COA1: variants seen among roughly 807,000 people sequenced by gnomAD.
COA1 encodes the protein cytochrome c oxidase assembly factor 1, also known as cytochrome c oxidase assembly factor 1 homolog.
COA1 carries 13 observed loss-of-function variants against 16.0 expected under a neutral mutation model. The ratio of observed to expected loss-of-function variants is 0.81; its 90% CI spans 0.53 to 1.29. The LOEUF is 1.29. Ranked by LOEUF, COA1 falls within the 50% of genes most tolerant of loss-of-function variation. COA1 has a pLI of 0.00. For missense variants in COA1, 179 were observed against 177.0 expected, an observed-to-expected ratio of 1.01 and a Z score of -0.06; for synonymous variants, 65 against 65.7, an observed-to-expected ratio of 0.99 and a Z score of 0.05.
At chr7:43,639,779 T>A (rs1223437636) in intron 5 of COA1, 98 bp from the exon 6 acceptor site, 3 of 853,164 alleles carry the variant, frequency 3.5e-6, no homozygotes, top group Admixed American at 2.4e-5. Flanking sequence ...TTTTGAATAA[T>A]GCCTTAAATT....
chr7:43,636,269 G>A (rs1269601789), downstream of COA1, among the ~76,000 whole-genome samples: 1 of 152,168 alleles, frequency 6.6e-6, no homozygotes, highest in Non-Finnish European at 1.5e-5. Context: ...GCATTACTAA[G>A]GAGGTGAGAA....
chr7:43,650,832 CAGA>C (rs1000029352), intron 1 of COA1: 29 of 138,348 alleles, frequency 2.1e-4, no homozygotes, highest in African/African-American at 6.7e-4. Context: ...AAAAAAAAAA[CAGA>C]AGAATTATTT....
chr7:43,608,499 T>C, exon 7 of COA1: 1 of 1,398,164 alleles, frequency 7.2e-7, no homozygotes, highest in South Asian at 1.4e-5. Context: ...CGTTTGTGTA[T>C]TATTAGGTAA....
intron 1 of COA1, among the ~76,000 whole-genome samples, chr7:43,675,198 T>C (rs541828621): frequency 2.6e-4 from 39 of 152,214 alleles, no homozygotes; most frequent in Middle Eastern, 3.4e-3. Flanking sequence ...CCAACAACGA[T>C]AGACTGGATT....
At chr7:43,699,588 G>A (rs564610124) in intron 1 of COA1, among the ~76,000 whole-genome samples, 30 of 152,128 alleles carry the variant, frequency 2.0e-4, no homozygotes, top group Non-Finnish European at 3.2e-4. Context: ...GCAGACATGA[G>A]AAGCAAATGT....
intron 1 of COA1, among the ~76,000 whole-genome samples, chr7:43,650,982 G>A (rs2090651791): frequency 1.3e-5 from 2 of 152,108 alleles, no homozygotes; most frequent in African/African-American, 2.4e-5. Context: ...GGGTCAGTGG[G>A]GGGCAGCAGG....
chr7:43,610,603 G>T (rs2082774004), intron 6 of COA1, among the ~76,000 whole-genome samples: 1 of 151,628 alleles, frequency 6.6e-6, no homozygotes, highest in Admixed American at 6.6e-5. Context: ...GGAGGTGGAG[G>T]TTGCAGTGAG....
intron 1 of COA1, among the ~76,000 whole-genome samples, chr7:43,657,636 G>A (rs2091913754): frequency 6.6e-6 from 1 of 151,854 alleles, no homozygotes; most frequent in South Asian, 2.1e-4. Flanking sequence ...TGTAGTGTGA[G>A]GAGACAAACA....
intron 6 of COA1, chr7:43,631,111 T>C (rs889554264): frequency 1.3e-5 from 2 of 152,246 alleles, no homozygotes; most frequent in African/African-American, 4.8e-5. Flanking sequence ...GGGTTGGTCT[T>C]TTCAAGGTCT....
At chr7:43,710,363 A>T (rs1214463260) in intron 1 of COA1, among the ~76,000 whole-genome samples, 3 of 107,884 alleles carry the variant, frequency 2.8e-5, no homozygotes, top group Admixed American at 9.4e-5. Flanking sequence ...AAAAAAAAAA[A>T]AAAAAAAAAA....
At chr7:43,647,726 TAAGGAAGCCAGA>T in intron 2 of COA1, 92 bp from the exon 3 acceptor site, 1 of 946,510 alleles carries the variant, frequency 1.1e-6, no homozygotes, top group South Asian at 1.6e-5. Context: ...AAAGAAGCAT[TAAGGAAGCCAGA>T]AAGGAGGCCA....
chr7:43,646,647 A>G (rs2089387313), intron 3 of COA1: 1 of 456,304 alleles, frequency 2.2e-6, no homozygotes, highest in Non-Finnish European at 4.4e-6. Context: ...CATCCCTCTC[A>G]TGTCCTGCCC....
At chr7:43,648,472 A>G in intron 2 of COA1, 128 bp downstream of exon 2, 1 of 969,972 alleles carries the variant, frequency 1.0e-6, no homozygotes, top group Non-Finnish European at 1.7e-6. Context: ...GTGAAGTTAA[A>G]GCACAAGTGA....
chr7:43,628,779 C>G (rs2084877955), intron 6 of COA1, among the ~76,000 whole-genome samples: 1 of 152,160 alleles, frequency 6.6e-6, no homozygotes, highest in African/African-American at 2.4e-5. Flanking sequence ...AAAGGATTGT[C>G]AGATTTATGT....
intron 1 of COA1, among the ~76,000 whole-genome samples, chr7:43,721,957 A>C (rs1455640017): frequency 6.6e-6 from 1 of 152,202 alleles, no homozygotes; most frequent in African/African-American, 2.4e-5. Context: ...GACATACTTA[A>C]ATATGGATGT....
At chr7:43,691,333 A>AAGAG (rs1268972248) in intron 1 of COA1, among the ~76,000 whole-genome samples, 1 of 75,494 alleles carries the variant, frequency 1.3e-5, no homozygotes. Context: ...AAGAAAGAGA[A>AAGAG]AGAGAGAGAG....
At chr7:43,682,944 A>C (rs1156637447) in intron 1 of COA1, among the ~76,000 whole-genome samples, 1 of 152,052 alleles carries the variant, frequency 6.6e-6, no homozygotes, top group Non-Finnish European at 1.5e-5. Context: ...CTGCCTCCCA[A>C]ATTCTAGTGA....
intron 5 of COA1, among the ~76,000 whole-genome samples, chr7:43,640,102 GCAAA>G (rs1195660467): frequency 6.6e-6 from 1 of 152,204 alleles, no homozygotes; most frequent in East Asian, 1.9e-4. Flanking sequence ...TGGCTAAACA[GCAAA>G]CATCTATGAG....
chr7:43,720,323 G>A (rs1158553693), intron 1 of COA1, among the ~76,000 whole-genome samples: 1 of 151,772 alleles, frequency 6.6e-6, no homozygotes, highest in Non-Finnish European at 1.5e-5. Context: ...ATAATTTTGT[G>A]TTTTTATTGT....
Sources: allele counts gnomAD v4.1 joint callset (sites outside exome capture counted in the v4.1 genomes callset), GRCh38; gene constraint gnomAD v4.1.1; transcripts MANE v1.5; gene names NCBI Gene and HGNC (gene_info 2026-07-23, HGNC 2026-07-21).